The following SP4 variants were observed in gnomAD, a reference collection of about 807,000 sequenced individuals.
SP4 encodes transcription factor Sp4.
Under a neutral mutation model 72.8 loss-of-function variants are expected in SP4, and 19 were observed. That is an observed-to-expected ratio of 0.26 (90% CI 0.18 to 0.38). The LOEUF (loss-of-function observed/expected upper bound fraction) is 0.38, where lower values mean the gene tolerates loss of function less well. SP4 is among the 10% of genes least tolerant of loss of function. The probability of loss-of-function intolerance (pLI) is 1.00; values close to 1 mark genes in which losing one functional copy is unlikely to be tolerated. For synonymous variants in SP4, 395 were observed against 333.1 expected, an observed-to-expected ratio of 1.19 and a Z score of -2.02; for missense variants, 1,008 against 926.3, an observed-to-expected ratio of 1.09 and a Z score of -1.14.
chr7:21,439,613 A>G lies in SP4; in HGVS notation c.1678+8770A>G, dbSNP rs549049115. Among the ~76,000 whole-genome samples, 8 of 152,034 alleles carry G rather than the reference A, an allele frequency of 5.3e-5. No individual in the cohort carries two copies. The East Asian group carries it at 1.5e-3, about 29-fold the overall frequency. On this transcript the variant is annotated intron_variant, in intron 3 of 5. Transcript: ENST00000222584. ...GTGTTTTTTGAAAATGTTTGAGGCCAAGTGCAATGGCTCATCCTGGAATCT... is the reference window on the plus strand; with the variant it reads ...GTGTTTTTTGAAAATGTTTGAGGCCGAGTGCAATGGCTCATCCTGGAATCT...
In SP4 at chr7:21,429,272, C is replaced by T. The variant is rs751829224; in HGVS notation, c.124-17C>T. On this transcript the variant is annotated splice_polypyrimidine_tract_variant and intron_variant, in intron 2 of 5. Transcript: ENST00000222584. Reference sequence around the variant, plus strand: ...TTTTTCCCCCCCCCCTCTCCTTTACCGTCCCATTTTGGGTAGGACTCTCAG... The same window carrying T: ...TTTTTCCCCCCCCCCTCTCCTTTACTGTCCCATTTTGGGTAGGACTCTCAG... The T allele has an allele frequency of 2.1e-6, 3 of 1,407,000 alleles. No individual in the cohort carries two copies. The highest frequency in any genetic ancestry group is 2.4e-5 in the East Asian group (1 of 42,480). 87.2% of individuals were successfully genotyped at this position (1,407,000 alleles called of 1,614,324 possible).
chr7:21,440,267 A>G (rs1347277754), intron 3 of SP4, among the ~76,000 whole-genome samples: 1 of 151,990 alleles, frequency 6.6e-6, no homozygotes, highest in African/African-American at 2.4e-5. Flanking sequence ...TTTACCTCAT[A>G]GAGTCTCAAA....
At chr7:21,453,887 T>A (rs1358924675) in intron 3 of SP4, among the ~76,000 whole-genome samples, 1 of 152,244 alleles carries the variant, frequency 6.6e-6, no homozygotes, top group African/African-American at 2.4e-5. Context: ...TGCCACGACT[T>A]GCTCAAACCT....
At chr7:21,451,236 A>G (rs1254198130) in intron 3 of SP4, among the ~76,000 whole-genome samples, 4 of 151,904 alleles carry the variant, frequency 2.6e-5, no homozygotes, top group African/African-American at 9.7e-5. Context: ...CACTCGTCCA[A>G]CTCCTGAGAT....
chr7:21,485,245 A>G (rs1370959612), intron 5 of SP4, among the ~76,000 whole-genome samples: 1 of 151,990 alleles, frequency 6.6e-6, no homozygotes, highest in Non-Finnish European at 1.5e-5. Flanking sequence ...ATGTCTAACC[A>G]CTACTACAAA....
At chr7:21,430,969 A>G (rs1562581580) in intron 3 of SP4, 126 bp downstream of exon 3, 1 of 660,524 alleles carries the variant, frequency 1.5e-6, no homozygotes, top group East Asian at 2.7e-5. Flanking sequence ...GGAACCAGAA[A>G]TAGCAATATT....
In SP4 at chr7:21,481,828, A is replaced by G. The variant is rs1366850620; in HGVS notation, c.1908-96A>G. 4.7e-6 allele frequency: 4 copies of G among 855,030 alleles called. No homozygotes were observed. In the East Asian group the frequency reaches 7.6e-5, roughly 16 times the overall value. 53.0% of individuals were successfully genotyped at this position (855,030 alleles called of 1,614,324 possible). A position where few individuals can be genotyped will look rare whatever the true frequency, so the allele number is the denominator to read the frequency against. On this transcript the variant is annotated intron_variant, in intron 4 of 5. Transcript: ENST00000222584. ...CATCATGATCAAACCTATTCAGAGA[A>G]GCATCATTTAATTACCTTGATTCTT...
chr7:21,483,525 A>C (rs1468184546), intron 5 of SP4, among the ~76,000 whole-genome samples: 2 of 151,884 alleles, frequency 1.3e-5, no homozygotes, highest in South Asian at 2.1e-4. Flanking sequence ...TTATTCGCTC[A>C]AGATTCTTTT....
At position 21,428,702 on chromosome 7, in the gene SP4, G is replaced by T; in HGVS notation, c.33G>T (p.Glu11Asp). The T allele has an allele frequency of 6.4e-7, 1 of 1,554,578 alleles. No individual in the cohort carries two copies. The highest frequency in any genetic ancestry group is 8.7e-7 in the Non-Finnish European group (1 of 1,148,400). Residue 11 changes from glutamate (E) to aspartate (D), a missense_variant, in exon 2 of 6, where the codon GAG (glutamate) becomes GAT (aspartate). Physicochemically the swap from Glu to Asp is conservative, Grantham distance 45. This residue lies in a region of SP4 where 893 missense variants were observed against 743.3 expected (regional missense o/e 1.20). Transcript: ENST00000222584. MSDQKKEEEEEAAAAAAMATE... is the reference protein window; with the variant it reads MSDQKKEEEEDAAAAAAMATE... Reference sequence around the variant, plus strand: ...ATCAGAAGAAGGAGGAGGAGGAGGAGGCGGCAGCGGCAGCGGCGATGGCTA... The same window carrying T: ...ATCAGAAGAAGGAGGAGGAGGAGGATGCGGCAGCGGCAGCGGCGATGGCTA...
At position 21,430,777 on chromosome 7, in the gene SP4, G is replaced by C; in HGVS notation, c.1612G>C (p.Val538Leu). 6.2e-7 allele frequency: 1 copy of C among 1,614,194 alleles called. No individual in the cohort carries two copies. Among genetic ancestry groups the C allele is most frequent in the Non-Finnish European group, 8.5e-7 (1 of 1,180,018 alleles). The change falls in exon 3 of 6, where the codon GTT (valine) becomes CTT (leucine). Residue 538 changes from valine (V) to leucine (L), a missense_variant. Val to Leu is a conservative substitution (Grantham distance 32). This residue lies in a region of SP4 where 893 missense variants were observed against 743.3 expected (regional missense o/e 1.20). Transcript: ENST00000222584. ...ASVPNLQTVS[V>L]ANLGAAGVQV... is the part of the protein sequence containing the mutation. ...AGTGCCTAACCTTCAGACAGTGAGCGTTGCCAACCTGGGTGCTGCAGGTGT... is the reference window on the plus strand; with the variant it reads ...AGTGCCTAACCTTCAGACAGTGAGCCTTGCCAACCTGGGTGCTGCAGGTGT...
chr7:21,479,004 G>C (rs939018295), intron 4 of SP4, among the ~76,000 whole-genome samples: 1 of 151,454 alleles, frequency 6.6e-6, no homozygotes, highest in African/African-American at 2.4e-5. Flanking sequence ...GGAGGCGGAG[G>C]TTGCAGTGAG....
intron 5 of SP4, among the ~76,000 whole-genome samples, chr7:21,509,399 CTT>C (rs1782087953): frequency 6.6e-6 from 1 of 151,608 alleles, no homozygotes; most frequent in South Asian, 2.1e-4. Context: ...TCTATTCTCT[CTT>C]TTATAGTTTC....
chr7:21,497,999 GTCT>G (rs1484306254), intron 5 of SP4, among the ~76,000 whole-genome samples: 2 of 151,924 alleles, frequency 1.3e-5, no homozygotes, highest in African/African-American at 4.8e-5. Flanking sequence ...ACCTCCTTAA[GTCT>G]TCTTATATCC....
chr7:21,491,001 C>T (rs138350980), intron 5 of SP4, among the ~76,000 whole-genome samples: 39 of 152,152 alleles, frequency 2.6e-4, no homozygotes, highest in African/African-American at 3.4e-4. Context: ...CCAAAATGTC[C>T]GGGATACAGT....
intron 3 of SP4, among the ~76,000 whole-genome samples, chr7:21,435,463 C>T (rs934895805): frequency 2.6e-5 from 4 of 152,110 alleles, no homozygotes; most frequent in African/African-American, 7.2e-5. Flanking sequence ...GTAAAATTAA[C>T]TTCTTACACT....
chr7:21,488,703 G>T (rs1032228714), intron 5 of SP4, among the ~76,000 whole-genome samples: 2 of 151,500 alleles, frequency 1.3e-5, no homozygotes, highest in Non-Finnish European at 2.9e-5. Context: ...AGGCTATAGT[G>T]CCTATGATCC....
intron 1 of SP4, 65 bp downstream of exon 1, chr7:21,428,323 C>G (rs1254996540): frequency 1.0e-5 from 8 of 795,590 alleles, no homozygotes; most frequent in Non-Finnish European, 1.8e-5. Flanking sequence ...TCCCCAGACC[C>G]TGCTCGGTTC....
intron 5 of SP4, among the ~76,000 whole-genome samples, chr7:21,496,906 A>G (rs1781722548): frequency 6.6e-6 from 1 of 152,178 alleles, no homozygotes; most frequent in African/African-American, 2.4e-5. Flanking sequence ...TTCTCATGCT[A>G]TTCTGAGCAG....
At chr7:21,482,417 TTAAA>T (rs1472188470) in intron 5 of SP4, among the ~76,000 whole-genome samples, 47 of 152,136 alleles carry the variant, frequency 3.1e-4, no homozygotes, top group Admixed American at 6.6e-5. Flanking sequence ...TCATAAGTGT[TTAAA>T]TAGGTGAAAA....
Sources: gnomAD v4.1 joint callset for allele counts (sites outside exome capture counted in the v4.1 genomes callset) on GRCh38, gnomAD v4.1.1 for gene constraint, gnomAD v4.1.1 regional missense constraint, MANE v1.5 for transcripts, NCBI Gene and HGNC (gene_info 2026-07-23, HGNC 2026-07-21) for gene names.